PLCB1: variants seen among roughly 807,000 people sequenced by gnomAD.
PLCB1 encodes the protein 1-phosphatidylinositol 4,5-bisphosphate phosphodiesterase beta-1.
PLCB1 carries 46 observed loss-of-function variants against 161.8 expected under a neutral mutation model. That is an observed-to-expected ratio of 0.28 (90% confidence interval 0.22 to 0.36). The LOEUF is 0.36. Among genes scored for constraint, PLCB1 ranks in the 10% least tolerant of loss-of-function variants. PLCB1 has a pLI of 1.00. For missense variants in PLCB1, 1,016 were observed against 1,472.5 expected, an observed-to-expected ratio of 0.69 and a Z score of 5.07; for synonymous variants, 517 against 503.7, an observed-to-expected ratio of 1.03 and a Z score of -0.35.
chr20:8,399,161 T>C (rs755964317), intron 3 of PLCB1, among the ~76,000 whole-genome samples: 1 of 151,870 alleles, frequency 6.6e-6, no homozygotes, highest in Non-Finnish European at 1.5e-5. Flanking sequence ...TGTTTGTTTG[T>C]CATGAGGTAT....
chr20:8,809,236 A>G (rs1323115377), intron 31 of PLCB1, among the ~76,000 whole-genome samples: 2 of 151,884 alleles, frequency 1.3e-5, no homozygotes, highest in Non-Finnish European at 2.9e-5. Context: ...TAAACTCCTG[A>G]GCTCAAAGCG....
At chr20:8,474,610 A>T (rs1241697471) in intron 3 of PLCB1, among the ~76,000 whole-genome samples, 4 of 152,116 alleles carry the variant, frequency 2.6e-5, no homozygotes, top group Admixed American at 6.5e-5. Context: ...GGGACTGACT[A>T]TTGAGCCATA....
At chr20:8,525,258 A>G (rs1219058201) in intron 3 of PLCB1, among the ~76,000 whole-genome samples, 3 of 31,680 alleles carry the variant, frequency 9.5e-5, no homozygotes, top group African/African-American at 3.1e-4. Context: ...TATATAGCCA[A>G]AAAAAAAAAG....
chr20:8,444,448 T>C (rs1980719821), intron 3 of PLCB1, among the ~76,000 whole-genome samples: 2 of 152,348 alleles, frequency 1.3e-5, no homozygotes, highest in South Asian at 4.1e-4. Flanking sequence ...CAGTCTATCA[T>C]TGTTGGACAT....
chr20:8,802,207 A>G, intron 31 of PLCB1: 1 of 1,140,414 alleles, frequency 8.8e-7, no homozygotes, highest in South Asian at 1.3e-5. Context: ...CTTTTGAGAG[A>G]AGGGTGGTGT....
At chr20:8,459,635 G>A (rs1935673) in intron 3 of PLCB1, among the ~76,000 whole-genome samples, 1 of 152,050 alleles carries the variant, frequency 6.6e-6, no homozygotes, top group Non-Finnish European at 1.5e-5. Context: ...TGAAGGTTAT[G>A]AAAAACTTGA....
At chr20:8,177,336 T>C (rs1169873436) in intron 2 of PLCB1, among the ~76,000 whole-genome samples, 1 of 152,176 alleles carries the variant, frequency 6.6e-6, no homozygotes, top group African/African-American at 2.4e-5. Context: ...TCTGCCAGCA[T>C]CTTGATCTTG....
intron 3 of PLCB1, among the ~76,000 whole-genome samples, chr20:8,579,503 A>G (rs1414827262): frequency 1.3e-5 from 2 of 152,222 alleles, no homozygotes; most frequent in Non-Finnish European, 2.9e-5. Context: ...AGTTCGTTAC[A>G]TGGCATTAGT....
At chr20:8,254,017 A>G (rs1448810355) in intron 2 of PLCB1, among the ~76,000 whole-genome samples, 1 of 151,994 alleles carries the variant, frequency 6.6e-6, no homozygotes, top group African/African-American at 2.4e-5. Flanking sequence ...TATCAAATCC[A>G]CCCTTGACAG....
intron 27 of PLCB1, among the ~76,000 whole-genome samples, chr20:8,777,273 C>A (rs184048924): frequency 6.6e-6 from 1 of 152,018 alleles, no homozygotes; most frequent in Non-Finnish European, 1.5e-5. Context: ...GGGACCACTC[C>A]GGGGCTGTGC....
chr20:8,251,168 T>A (rs946187699), intron 2 of PLCB1, among the ~76,000 whole-genome samples: 1 of 151,896 alleles, frequency 6.6e-6, no homozygotes, highest in African/African-American at 2.4e-5. Flanking sequence ...CAAGTCTGTT[T>A]TGTAAGGACA....
At chr20:8,573,082 G>A (rs547529820) in intron 3 of PLCB1, among the ~76,000 whole-genome samples, 1 of 152,256 alleles carries the variant, frequency 6.6e-6, no homozygotes, top group East Asian at 1.9e-4. Flanking sequence ...GGAATGGCCA[G>A]AAAAGTAGGA....
intron 4 of PLCB1, among the ~76,000 whole-genome samples, chr20:8,635,733 A>T (rs1284383947): frequency 2.0e-5 from 3 of 152,160 alleles, no homozygotes; most frequent in Admixed American, 1.3e-4. Flanking sequence ...AATTTCTTTT[A>T]AGCAAAAGAA....
At chr20:8,392,529 C>G (rs1987639169) in intron 3 of PLCB1, among the ~76,000 whole-genome samples, 1 of 152,120 alleles carries the variant, frequency 6.6e-6, no homozygotes, top group Admixed American at 6.6e-5. Context: ...TTAGGAATCT[C>G]ACCTTCCTCA....
chr20:8,784,594 G>A (rs1394515320), intron 27 of PLCB1, among the ~76,000 whole-genome samples: 2 of 151,524 alleles, frequency 1.3e-5, no homozygotes, highest in African/African-American at 2.4e-5. Flanking sequence ...ATGAGCAGAG[G>A]TGGGGCTGTG....
chr20:8,219,474 G>A (rs1018585761), intron 2 of PLCB1, among the ~76,000 whole-genome samples: 2 of 152,126 alleles, frequency 1.3e-5, no homozygotes, highest in Admixed American at 6.6e-5. Flanking sequence ...TCTCTATAAG[G>A]GAACTACTGC....
intron 10 of PLCB1, among the ~76,000 whole-genome samples, chr20:8,686,482 A>G (rs1437906732): frequency 6.6e-6 from 1 of 152,202 alleles, no homozygotes; most frequent in Non-Finnish European, 1.5e-5. Context: ...CAACTGATAT[A>G]TTTATATTCA....
intron 4 of PLCB1, among the ~76,000 whole-genome samples, chr20:8,636,517 T>C (rs1988767082): frequency 6.6e-6 from 1 of 152,262 alleles, no homozygotes; most frequent in South Asian, 2.1e-4. Context: ...AACATTTGTT[T>C]AAAAGCTCAT....
rs556636535 is a variant in PLCB1, at chr20:8,545,056, T to C, written c.247-83238T>C. 3.3e-5 allele frequency among the ~76,000 whole-genome samples: 5 copies of C among 152,322 alleles called. No homozygotes were observed. In the South Asian group the frequency reaches 1.0e-3, roughly 32 times the overall value. ...TGACAGTCTAGAAGAATGGATAAGA[T>C]GTGTCTAAAAGTAACTTGAATGCAA... On this transcript the variant is annotated intron_variant, in intron 3 of 31. Transcript: ENST00000338037.
Sources: gnomAD v4.1 joint callset for allele counts (sites outside exome capture counted in the v4.1 genomes callset) on GRCh38, gnomAD v4.1.1 for gene constraint, MANE v1.5 for transcripts, NCBI Gene and HGNC (gene_info 2026-07-23, HGNC 2026-07-21) for gene names.